The following KCNH2 variants were observed in gnomAD, a reference collection of about 807,000 sequenced individuals.
KCNH2 encodes potassium voltage-gated channel subfamily H member 2, also known as voltage-gated inwardly rectifying potassium channel KCNH2.
KCNH2 carries 35 observed loss-of-function variants against 95.9 expected under a neutral mutation model. The ratio of observed to expected loss-of-function variants is 0.37; its 90% CI spans 0.28 to 0.48. KCNH2 has a LOEUF of 0.48. Ranked by LOEUF, KCNH2 falls within the 20% of genes least tolerant of loss-of-function variation. The pLI is 0.99. For missense variants in KCNH2, 1,274 were observed against 1,702.9 expected (o/e 0.75, Z 4.43); for synonymous variants, 786 against 754.7 (o/e 1.04, Z -0.68).
intron 2 of KCNH2, among the ~76,000 whole-genome samples, chr7:150,969,985 C>T (rs886234082): frequency 5.9e-5 from 9 of 152,192 alleles, no homozygotes; most frequent in African/African-American, 2.2e-4. Flanking sequence ...TCTACTGACC[C>T]TGACTCCCAT....
At chr7:150,975,849 G>C (rs1306312638) in intron 1 of KCNH2, among the ~76,000 whole-genome samples, 1 of 152,204 alleles carries the variant, frequency 6.6e-6, no homozygotes, top group Non-Finnish European at 1.5e-5. Context: ...GAGCCTGGGC[G>C]GGGCCTGAGA....
rs1801129358 is a variant in KCNH2, at chr7:150,951,002, C to T, written c.2064G>A (p.Gln688=). Residue 688 remains glutamine (Q), a synonymous_variant, in exon 8 of 15, where the codon CAG becomes CAA. Coordinates refer to ENST00000262186, the MANE Select transcript of KCNH2 (RefSeq NM_000238.4). ...GGCGCTGGCGCAGGGGATTGGGGAT[C>T]TGGTGGAAGCGGATGAACTCCCGCA... ...LRVREFIRFH[Q]IPNPLRQRLE... The T allele has an allele frequency of 1.2e-6, 2 of 1,614,132 alleles. No homozygotes were observed. Among genetic ancestry groups the T allele is most frequent in the African/African-American group, 2.7e-5 (2 of 74,960 alleles).
chr7:150,963,159 G>C (rs895570495), intron 2 of KCNH2, among the ~76,000 whole-genome samples: 1 of 152,228 alleles, frequency 6.6e-6, no homozygotes, highest in Non-Finnish European at 1.5e-5. Flanking sequence ...TCCGTGGCAG[G>C]CACAGCCCAC....
Position 150,958,369 on chromosome 7 carries a change from G to A in KCNH2, c.606C>T (p.Pro202=), listed in dbSNP as rs1188978264. Residue 202 remains proline (P), a synonymous_variant, in exon 4 of 15, where the codon CCC becomes CCT. Coordinates refer to ENST00000262186, the MANE Select transcript of KCNH2 (RefSeq NM_000238.4). ...CCAGCGACTCGCTGCTGGGTGCCGC[G>A]GGCGTCAGGTCCACGTCCACCACCA... The part of the protein sequence containing the change: ...GAVVVDVDLT[P]AAPSSESLAL... The A allele has an allele frequency of 5.4e-6, 8 of 1,480,638 alleles. No individual in the cohort carries two copies. Among genetic ancestry groups the A allele is most frequent in the Non-Finnish European group, 7.1e-6 (8 of 1,122,646 alleles). 91.7% of individuals were successfully genotyped at this position (1,480,638 alleles called of 1,614,324 possible).
rs749211387 is a variant in KCNH2, at chr7:150,951,063, G to A, written c.2003C>T (p.Ser668Leu). ...CTGTGTGTGGTAGCGGGCTGTGCCC[G>A]AGTACAGCCGCTGGATGATGGCCGA... Reference protein sequence around the residue: ...NVSAIIQRLYSGTARYHTQML... With the variant: ...NVSAIIQRLYLGTARYHTQML... The change falls in exon 8 of 15, where the codon TCG (serine) becomes TTG (leucine). Residue 668 changes from serine to leucine, a missense_variant. Physicochemically the swap from Ser to Leu is moderately radical, Grantham distance 145. Coordinates refer to ENST00000262186, the MANE Select transcript of KCNH2 (RefSeq NM_000238.4). 3 of 1,613,908 alleles carry A rather than the reference G, an allele frequency of 1.9e-6. No individual in the cohort carries two copies. The highest frequency in any genetic ancestry group is 8.5e-7 in the Non-Finnish European group (1 of 1,179,904).
At chr7:150,975,561 G>A (rs940789746) in intron 1 of KCNH2, among the ~76,000 whole-genome samples, 1 of 152,142 alleles carries the variant, frequency 6.6e-6, no homozygotes, top group Non-Finnish European at 1.5e-5. Flanking sequence ...AGAGGATGAG[G>A]GAAGTTACAC....
At chr7:150,969,357 T>G (rs551238328) in intron 2 of KCNH2, among the ~76,000 whole-genome samples, 1 of 152,266 alleles carries the variant, frequency 6.6e-6, no homozygotes, top group South Asian at 2.1e-4. Flanking sequence ...ACAATAGAAG[T>G]GCCTTGTGCT....
At chr7:150,956,815 C>T (rs921982251) in intron 5 of KCNH2, among the ~76,000 whole-genome samples, 1 of 152,216 alleles carries the variant, frequency 6.6e-6, no homozygotes, top group Non-Finnish European at 1.5e-5. Flanking sequence ...TGGCACATCA[C>T]CTTGGCCTGG....
intron 5 of KCNH2, among the ~76,000 whole-genome samples, chr7:150,956,504 AC>A (rs753833753): frequency 6.5e-4 from 94 of 145,030 alleles, no homozygotes; most frequent in South Asian, 1.2e-3. Context: ...TGACCCACCC[AC>A]CCCCAGCCCC....
chr7:150,973,051 A>C (rs1257906521), intron 2 of KCNH2, among the ~76,000 whole-genome samples: 4 of 152,220 alleles, frequency 2.6e-5, no homozygotes, highest in Non-Finnish European at 5.9e-5. Flanking sequence ...ACCCTTGTGA[A>C]GGTCCAAAGC....
chr7:150,946,590 G>A lies in KCNH2; in HGVS notation c.3330+287C>T, dbSNP rs185835640. On this transcript the variant is annotated intron_variant, in intron 14 of 14. Coordinates refer to ENST00000262186, the MANE Select transcript of KCNH2 (RefSeq NM_000238.4). This position sits in a 1 kb window ranked among gnomAD's most constrained non-coding sequence, Gnocchi z 6.5. ...TTCAGGCGATGCTCCGGGGCCTGGC[G>A]GTGGAGGCTGTGGACACTAGGGGAG... Among the ~76,000 whole-genome samples the A allele has an allele frequency of 1.8e-4, 27 of 152,316 alleles. No homozygotes were observed. Among genetic ancestry groups the A allele is most frequent in the South Asian group, 6.2e-4 (3 of 4,828 alleles).
chr7:150,963,763 C>T lies in KCNH2; in HGVS notation c.308-4027G>A, dbSNP rs547053026. ...AGGCTCCATGGCTCCTTAGAACCCC[C>T]GTGCCTTTGGGCCCAATGGCCTGGG... On this transcript the variant is annotated intron_variant, in intron 2 of 14. Coordinates refer to ENST00000262186, the MANE Select transcript of KCNH2 (RefSeq NM_000238.4). Among the ~76,000 whole-genome samples, 22 of 152,312 alleles carry T rather than the reference C, an allele frequency of 1.4e-4. No homozygotes were observed. The East Asian group carries it at 1.9e-3, about 13-fold the overall frequency.
At chr7:150,955,901 G>A (rs1381544164) in intron 5 of KCNH2, 29 of 922,442 alleles carry the variant, frequency 3.1e-5, no homozygotes, top group African/African-American at 1.1e-4. Flanking sequence ...CCCAGCCAGC[G>A]GCCCCCTCCC....
chr7:150,958,280 C>A lies in KCNH2; in HGVS notation c.695G>T (p.Arg232Leu), dbSNP rs886039160. The change falls in exon 4 of 15, where the codon CGT becomes CTT. Residue 232 changes from arginine (R) to leucine (L), a missense_variant. By Grantham distance (102) the Arg-to-Leu change is moderately radical. Coordinates refer to ENST00000262186, the MANE Select transcript of KCNH2 (RefSeq NM_000238.4). ...VAGLGPAEERRALVGPGSPPR... is the reference protein window; with the variant it reads ...VAGLGPAEERLALVGPGSPPR... ...CGGAGAGCCGGGACCCACCAGCGCA[C>A]GCCGCTCCTCCGCGGGCCCGAGCCC... is the stretch of plus-strand genomic sequence containing the variant. 3.2e-5 allele frequency: 47 copies of A among 1,457,728 alleles called. No homozygotes were observed. The highest frequency in any genetic ancestry group is 4.2e-5 in the Non-Finnish European group (47 of 1,109,028). 90.3% of individuals were successfully genotyped at this position (1,457,728 alleles called of 1,614,324 possible).
At chr7:150,960,728 C>G (rs1330603409) in intron 2 of KCNH2, among the ~76,000 whole-genome samples, 1 of 152,184 alleles carries the variant, frequency 6.6e-6, no homozygotes, top group Non-Finnish European at 1.5e-5. Flanking sequence ...GCGTTCCCCT[C>G]GATCCTTGAC....
intron 2 of KCNH2, among the ~76,000 whole-genome samples, chr7:150,971,143 C>T (rs1563185754): frequency 6.6e-6 from 1 of 152,130 alleles, no homozygotes; most frequent in Non-Finnish European, 1.5e-5. Context: ...GACAGACGGC[C>T]TTGGGGGACG....
At chr7:150,966,454 AG>A (rs1455107380) in intron 2 of KCNH2, among the ~76,000 whole-genome samples, 26 of 145,904 alleles carry the variant, frequency 1.8e-4, no homozygotes, top group Non-Finnish European at 3.4e-4. Context: ...GCTAATGAAA[AG>A]CCCCCAGAAA....
intron 3 of KCNH2, 52 bp from the exon 4 acceptor site, chr7:150,958,554 CG>C (rs765445116): frequency 1.4e-6 from 2 of 1,434,006 alleles, no homozygotes; most frequent in Non-Finnish European, 1.8e-6. Context: ...AGCCCCGGAG[CG>C]GGCAAGGCCT....
intron 2 of KCNH2, among the ~76,000 whole-genome samples, chr7:150,967,913 C>G (rs1332374129): frequency 6.6e-6 from 1 of 152,194 alleles, no homozygotes; most frequent in African/African-American, 2.4e-5. Context: ...CTAGAGTACA[C>G]AAGCAACTCC....
Sources: allele counts gnomAD v4.1 joint callset (sites outside exome capture counted in the v4.1 genomes callset), GRCh38; gene constraint gnomAD v4.1.1; non-coding constraint Gnocchi (gnomAD v3.1); transcripts MANE v1.5; gene names NCBI Gene and HGNC (gene_info 2026-07-23, HGNC 2026-07-21).